Variants in GK observed in about 807,000 individuals in gnomAD.
The protein encoded by GK is ATP:glycerol 3-phosphotransferase.
GK carries 9 observed loss-of-function variants against 56.4 expected under a neutral mutation model. That is an observed-to-expected ratio of 0.16 (90% CI 0.10 to 0.28). GK has a LOEUF of 0.28. Ranked by LOEUF, GK falls within the 10% of genes least tolerant of loss-of-function variation. The probability of loss-of-function intolerance (pLI) is 1.00; values close to 1 mark genes in which losing one functional copy is unlikely to be tolerated. For missense variants in GK, 161 were observed against 431.4 expected, an observed-to-expected ratio of 0.37 and a Z score of 5.55; for synonymous variants, 104 against 144.1, an observed-to-expected ratio of 0.72 and a Z score of 1.99.
intron 19 of GK, among the ~76,000 whole-genome samples, chrX:30,725,898 C>T (rs948694006): frequency 1.8e-5 from 2 of 110,731 alleles, no homozygotes; most frequent in Admixed American, 1.9e-4. Flanking sequence ...CATGATCCAC[C>T]CGCCTCAGCC....
intron 4 of GK, among the ~76,000 whole-genome samples, chrX:30,683,762 A>G (rs1934429091): frequency 8.9e-6 from 1 of 112,488 alleles, no homozygotes; most frequent in South Asian, 3.7e-4. Flanking sequence ...TTAATGTGAT[A>G]TCTAAAATGG....
chrX:30,695,357 C>T (rs1935185609), intron 6 of GK, among the ~76,000 whole-genome samples: 1 of 112,169 alleles, frequency 8.9e-6, no homozygotes, highest in Non-Finnish European at 1.9e-5. Flanking sequence ...TTGACAATTG[C>T]ATCGAACCAG....
chrX:30,691,337 G>A, intron 5 of GK, 138 bp downstream of exon 5: 1 of 435,773 alleles, frequency 2.3e-6, no homozygotes, highest in Admixed American at 3.9e-5. Context: ...GGATAATTGA[G>A]GCCAACTCAA....
chrX:30,655,237 A>G (rs1208499643), intron 1 of GK, among the ~76,000 whole-genome samples: 1 of 112,243 alleles, frequency 8.9e-6, no homozygotes, highest in East Asian at 2.8e-4. Flanking sequence ...GAATCATAAG[A>G]AAGTTTGCTT....
chrX:30,707,064 T>G (rs1226412487), intron 11 of GK, among the ~76,000 whole-genome samples: 1 of 111,881 alleles, frequency 8.9e-6, no homozygotes, highest in East Asian at 2.8e-4. Context: ...CACAGTGGCT[T>G]AAACGTCTGT....
chrX:30,709,504 C>T (rs1232354827), intron 13 of GK, among the ~76,000 whole-genome samples: 1 of 111,617 alleles, frequency 9.0e-6, no homozygotes, highest in East Asian at 2.8e-4. Context: ...GGTAAACTGA[C>T]CCAATGCCTT....
intron 4 of GK, among the ~76,000 whole-genome samples, chrX:30,681,081 T>C (rs1304404423): frequency 4.5e-5 from 5 of 112,066 alleles, no homozygotes; most frequent in Non-Finnish European, 9.4e-5. Context: ...ACGCATTATC[T>C]AGTTTTCTAT....
At chrX:30,676,888 C>T (rs144120623) in intron 3 of GK, among the ~76,000 whole-genome samples, 479 of 111,516 alleles carry the variant, frequency 4.3e-3, no homozygotes, top group African/African-American at 0.015. Flanking sequence ...TAAGGATGCT[C>T]AGCATGAAGG....
intron 3 of GK, among the ~76,000 whole-genome samples, chrX:30,675,997 G>A (rs1933872103): frequency 8.9e-6 from 1 of 111,881 alleles, no homozygotes; most frequent in Non-Finnish European, 1.9e-5. Context: ...TGCCATGTTG[G>A]CCAGGCTGAT....
intron 13 of GK, among the ~76,000 whole-genome samples, chrX:30,717,817 G>A (rs1272106260): frequency 9.0e-6 from 1 of 111,414 alleles, no homozygotes; most frequent in Non-Finnish European, 1.9e-5. Context: ...TTCTCATATT[G>A]AGCCTCACAG....
intron 8 of GK, 76 bp from the exon 9 acceptor site, chrX:30,697,656 G>A (rs1413251926): frequency 2.1e-5 from 15 of 723,827 alleles, no homozygotes; most frequent in Middle Eastern, 5.8e-4. Context: ...AAAAAAAAAC[G>A]TGGAACTGGC....
At chrX:30,654,243 CTT>C (rs771583715) in intron 1 of GK, among the ~76,000 whole-genome samples, 3 of 112,536 alleles carry the variant, frequency 2.7e-5, no homozygotes, top group Non-Finnish European at 5.6e-5. Flanking sequence ...AGTTCTGAGA[CTT>C]TGCCCATTAC....
chrX:30,694,895 C>T (rs1423397737), intron 6 of GK, among the ~76,000 whole-genome samples: 5 of 111,710 alleles, frequency 4.5e-5, no homozygotes, highest in African/African-American at 1.3e-4. Context: ...GATAAAATAC[C>T]TAGAGTACTT....
intron 20 of GK, among the ~76,000 whole-genome samples, chrX:30,727,967 A>G (rs1347779491): frequency 1.8e-5 from 2 of 111,807 alleles, no homozygotes; most frequent in African/African-American, 3.2e-5. Context: ...TAACTTTTCA[A>G]TTCTGGCAAG....
intron 18 of GK, chrX:30,721,764 G>T (rs1311419131): frequency 8.9e-6 from 1 of 112,044 alleles, no homozygotes; most frequent in Non-Finnish European, 1.9e-5. Context: ...CCTGATGAAG[G>T]CAGCAACAAT....
intron 18 of GK, among the ~76,000 whole-genome samples, chrX:30,723,505 T>C (rs1004910284): frequency 4.5e-5 from 5 of 111,969 alleles, no homozygotes; most frequent in African/African-American, 1.6e-4. Flanking sequence ...TCAAATGGGA[T>C]TCCCCTTTCT....
At chrX:30,715,232 A>G (rs1406826457) in intron 13 of GK, among the ~76,000 whole-genome samples, 2 of 111,941 alleles carry the variant, frequency 1.8e-5, no homozygotes, top group Non-Finnish European at 3.8e-5. Context: ...TGTTTGTGGC[A>G]GTGGCATTCA....
intron 4 of GK, among the ~76,000 whole-genome samples, chrX:30,678,671 GT>G (rs35987506): frequency 0.21 from 17,770 of 85,531 alleles, 1,497 homozygotes; most frequent in Admixed American, 0.25. Flanking sequence ...TTTCTGTGGT[GT>G]TTTTTTTTTT....
intron 1 of GK, among the ~76,000 whole-genome samples, chrX:30,656,371 A>G (rs766895236): frequency 5.3e-5 from 6 of 112,422 alleles, no homozygotes; most frequent in Non-Finnish European, 1.1e-4. Flanking sequence ...TTAAATTTGC[A>G]TATTTAACTT....
Sources: gnomAD v4.1 joint callset for allele counts (sites outside exome capture counted in the v4.1 genomes callset) on GRCh38, gnomAD v4.1.1 for gene constraint, MANE v1.5 for transcripts, NCBI Gene and HGNC (gene_info 2026-07-23, HGNC 2026-07-21) for gene names.